Variants in DCLK1 observed in about 807,000 individuals in gnomAD.
DCLK1 encodes serine/threonine-protein kinase DCLK1.
In DCLK1, 16 loss-of-function variants were observed where a neutral mutation model predicts 86.2. The ratio of observed to expected loss-of-function variants is 0.19; its 90% CI spans 0.13 to 0.28. DCLK1 has a LOEUF of 0.28. Ranked by LOEUF, DCLK1 falls within the 10% of genes least tolerant of loss-of-function variation. The probability of loss-of-function intolerance (pLI) is 1.00; values close to 1 mark genes in which losing one functional copy is unlikely to be tolerated. For missense variants in DCLK1, 590 were observed against 940.2 expected, an observed-to-expected ratio of 0.63 and a Z score of 4.87; for synonymous variants, 369 against 370.5, an observed-to-expected ratio of 1.00 and a Z score of 0.05.
At chr13:35,904,632 C>G (rs138205264) in intron 4 of DCLK1, among the ~76,000 whole-genome samples, 2 of 152,182 alleles carry the variant, frequency 1.3e-5, no homozygotes. Context: ...CCACCTCCTT[C>G]CCTTTTGCCT....
intron 4 of DCLK1, among the ~76,000 whole-genome samples, chr13:35,905,985 T>C (rs1874670040): frequency 6.6e-6 from 1 of 151,656 alleles, no homozygotes; most frequent in Admixed American, 6.6e-5. Context: ...TTGTGGACAG[T>C]ATTTTTACTT....
At chr13:36,073,229 G>A (rs993287185) in intron 3 of DCLK1, among the ~76,000 whole-genome samples, 1 of 152,154 alleles carries the variant, frequency 6.6e-6, no homozygotes, top group East Asian at 1.9e-4. Flanking sequence ...CCTCATGCCT[G>A]TTTGCAGTCA....
chr13:35,899,222 G>A (rs1284372179), intron 4 of DCLK1, among the ~76,000 whole-genome samples: 9 of 152,122 alleles, frequency 5.9e-5, no homozygotes, highest in South Asian at 2.1e-4. Flanking sequence ...AGATGCTAGC[G>A]TCATTGATCC....
intron 3 of DCLK1, among the ~76,000 whole-genome samples, chr13:35,982,775 T>A (rs1458719935): frequency 6.6e-6 from 1 of 152,086 alleles, no homozygotes; most frequent in Non-Finnish European, 1.5e-5. Context: ...TTTTTGTTTG[T>A]TTGTTTGAAA....
At chr13:36,091,726 A>G (rs921205180) in intron 3 of DCLK1, among the ~76,000 whole-genome samples, 4 of 152,228 alleles carry the variant, frequency 2.6e-5, no homozygotes, top group African/African-American at 9.6e-5. Flanking sequence ...GTCATATGAT[A>G]AAGCACTTGA....
chr13:35,887,461 G>A (rs1873343130), intron 4 of DCLK1, among the ~76,000 whole-genome samples: 1 of 152,100 alleles, frequency 6.6e-6, no homozygotes, highest in Admixed American at 6.6e-5. Flanking sequence ...TGCGTGATCT[G>A]GTTGCTCACA....
intron 3 of DCLK1, among the ~76,000 whole-genome samples, chr13:36,007,708 T>A (rs1298582318): frequency 6.6e-6 from 1 of 152,146 alleles, no homozygotes; most frequent in African/African-American, 2.4e-5. Context: ...GAAAAACTCG[T>A]AAGGAGAGAA....
chr13:36,105,152 G>A (rs559020582), intron 3 of DCLK1, among the ~76,000 whole-genome samples: 32 of 152,260 alleles, frequency 2.1e-4, no homozygotes, highest in African/African-American at 7.5e-4. Flanking sequence ...GTCAGGATTT[G>A]ACTTTGTATT....
At chr13:35,865,538 T>C (rs1871726470) in intron 5 of DCLK1, among the ~76,000 whole-genome samples, 1 of 152,190 alleles carries the variant, frequency 6.6e-6, no homozygotes, top group Admixed American at 6.5e-5. Context: ...TTCAGCCTTT[T>C]CTGTTATGGA....
intron 3 of DCLK1, among the ~76,000 whole-genome samples, chr13:35,989,867 A>G (rs1293726122): frequency 6.6e-6 from 1 of 152,150 alleles, no homozygotes; most frequent in Non-Finnish European, 1.5e-5. Context: ...TCACCTTTAT[A>G]AAGACTTTTC....
Position 36,082,779 on chromosome 13 carries a change from C to G in DCLK1, c.723+29090G>C, listed in dbSNP as rs1001914567. ...CATATGAAAAAGACTCAAATCCACC[C>G]ACTGGATTAGACAAAAACCTGAGCT... On this transcript the variant is annotated intron_variant, in intron 3 of 16. Coordinates refer to ENST00000360631, the MANE Select transcript of DCLK1 (RefSeq NM_001330071.2). Among the ~76,000 whole-genome samples the G allele has an allele frequency of 3.9e-5, 6 of 152,094 alleles. No homozygotes were observed. In the East Asian group the frequency reaches 1.2e-3, roughly 29 times the overall value.
chr13:35,838,513 G>C (rs979494650), intron 7 of DCLK1, among the ~76,000 whole-genome samples: 1 of 152,138 alleles, frequency 6.6e-6, no homozygotes, highest in South Asian at 2.1e-4. Flanking sequence ...AGTTGAAAAT[G>C]CTTGTCCAAA....
At position 36,075,165 on chromosome 13, in the gene DCLK1, A is replaced by C. The variant is rs537700966; in HGVS notation, c.723+36704T>G. On this transcript the variant is annotated intron_variant, in intron 3 of 16. Transcript: ENST00000360631. Reference sequence around the variant, plus strand: ...CATCAAAAATTTGTGTCTCAAAAAAATTAGATGGGTTATTGAAGGTGAAGA... The same window carrying C: ...CATCAAAAATTTGTGTCTCAAAAAACTTAGATGGGTTATTGAAGGTGAAGA... Among the ~76,000 whole-genome samples, 4 of 152,358 alleles carry C rather than the reference A, an allele frequency of 2.6e-5. No homozygotes were observed. The East Asian group carries it at 7.7e-4, about 29-fold the overall frequency.
intron 4 of DCLK1, among the ~76,000 whole-genome samples, chr13:35,914,402 T>C (rs1440826364): frequency 1.4e-5 from 2 of 141,242 alleles, no homozygotes; most frequent in Admixed American, 7.1e-5. Flanking sequence ...AGCAAAATTA[T>C]TGCTAATTGA....
At chr13:35,921,911 G>T (rs189146953) in intron 4 of DCLK1, among the ~76,000 whole-genome samples, 180 of 152,304 alleles carry the variant, frequency 1.2e-3, no homozygotes, top group Non-Finnish European at 2.0e-3. Context: ...ACAGCTGGAT[G>T]TCTGGACTAG....
At chr13:35,811,721 C>G (rs1369453359) in intron 11 of DCLK1, among the ~76,000 whole-genome samples, 3 of 151,874 alleles carry the variant, frequency 2.0e-5, no homozygotes, top group African/African-American at 7.3e-5. Flanking sequence ...GTAATCTCAG[C>G]TACTCAGGAG....
Position 35,772,436 on chromosome 13 carries a change from T to C in DCLK1, c.*2099A>G, listed in dbSNP as rs1481494147. On this transcript the variant is annotated 3_prime_UTR_variant, in exon 17 of 17. Coordinates refer to ENST00000360631, the MANE Select transcript of DCLK1 (RefSeq NM_001330071.2). ...CACACTTTTAGAGTTGAGGCCAGGC[T>C]GTAGAGCTACTCCATAGCCTTGGAA... 6.6e-6 allele frequency: 1 copy of C among 152,238 alleles called. No homozygotes were observed. Among genetic ancestry groups the C allele is most frequent in the Non-Finnish European group, 1.5e-5 (1 of 68,044 alleles). The allele number at this position is 152,238 out of a possible 1,614,324, so 9.4% of individuals were successfully genotyped here. A position where few individuals can be genotyped will look rare whatever the true frequency, so the allele number is the denominator to read the frequency against.
intron 1 of DCLK1, 133 bp downstream of exon 1, chr13:36,130,981 G>C (rs1372791546): frequency 6.6e-6 from 1 of 151,292 alleles, no homozygotes; most frequent in African/African-American, 2.4e-5. Flanking sequence ...AGGAACTGCG[G>C]GCGGGGCGGC....
In DCLK1 at chr13:35,828,317, G is replaced by A. The variant is rs1407218847; in HGVS notation, c.1230-10C>T. ...CTCTCTAGCAGTCGATCTGCGAAGA[G>A]AAAGTTCATGTTTTTAAAATGAAAC... is the stretch of plus-strand genomic sequence containing the variant. On this transcript the variant is annotated splice_polypyrimidine_tract_variant and intron_variant, in intron 8 of 16. Transcript: ENST00000360631. 3.1e-6 allele frequency: 5 copies of A among 1,600,252 alleles called. No individual in the cohort carries two copies. Among genetic ancestry groups the A allele is most frequent in the Non-Finnish European group, 4.3e-6 (5 of 1,176,414 alleles).
Sources: gnomAD v4.1 joint callset for allele counts (sites outside exome capture counted in the v4.1 genomes callset) on GRCh38, gnomAD v4.1.1 for gene constraint, MANE v1.5 for transcripts, NCBI Gene and HGNC (gene_info 2026-07-23, HGNC 2026-07-21) for gene names.